Variants in OGFR observed in about 807,000 individuals in gnomAD.
OGFR encodes the protein opioid growth factor receptor, also known as protein 7-60.
OGFR carries 18 observed loss-of-function variants against 33.6 expected under a neutral mutation model. That is an observed-to-expected ratio of 0.54 (90% CI 0.37 to 0.80). The LOEUF (loss-of-function observed/expected upper bound fraction) is 0.80. OGFR is among the 30% of genes least tolerant of loss of function. The probability of loss-of-function intolerance (pLI) is 0.00; values close to 1 mark genes in which losing one functional copy is unlikely to be tolerated. For missense variants in OGFR, 877 were observed against 955.8 expected (o/e 0.92, Z 1.09); for synonymous variants, 370 against 400.7 (o/e 0.92, Z 0.91).
In OGFR at chr20:62,812,304, C is replaced by T. The variant is rs1186464820; in HGVS notation, c.689C>T (p.Ala230Val). ...LGELGLEHFQAPLVRFFLEET... is the reference protein window; with the variant it reads ...LGELGLEHFQVPLVRFFLEET... ...GAGCTGGGCCTCGAGCACTTCCAGG[C>T]GCCGCTGGTCCGCTTCTTCCTGGAG... is the stretch of plus-strand genomic sequence containing the variant. The change falls in exon 7 of 7, where the codon GCG (alanine) becomes GTG (valine). Residue 230 changes from alanine to valine, a missense_variant. Transcript: ENST00000290291. 2.6e-5 allele frequency: 41 copies of T among 1,549,826 alleles called. No individual in the cohort carries two copies. Among genetic ancestry groups the T allele is most frequent in the Non-Finnish European group, 3.4e-5 (39 of 1,147,472 alleles).
Position 62,813,607 on chromosome 20 carries a change from G to A in OGFR, c.1992G>A (p.Gln664=), listed in dbSNP as rs770779950. Residue 664 remains glutamine (Q), a synonymous_variant, in exon 7 of 7, where the codon CAG becomes CAA. Transcript: ENST00000290291. ...AGGCGGGGGAGGCAGCAGAGTTGCAGGACGCAGAGGTGGAGTCTTCTGCCA... is the reference window on the plus strand; with the variant it reads ...AGGCGGGGGAGGCAGCAGAGTTGCAAGACGCAGAGGTGGAGTCTTCTGCCA... ...PAKAGEAAEL[Q]DAEVESSAKS... 1.1e-5 allele frequency: 18 copies of A among 1,612,744 alleles called. 1 individual carries two copies. In the South Asian group the frequency reaches 1.9e-4, roughly 17 times the overall value.
chr20:62,812,865 G>A lies in OGFR; in HGVS notation c.1250G>A (p.Cys417Tyr), dbSNP rs1990767576. ...AAGATCGCTCTGAATTTGGAGGGGT[G>A]TGCCCTCAGCCAGGGCAGCCTCAGG... ...VEKIALNLEG[C>Y]ALSQGSLRTG... is the part of the protein sequence containing the mutation. Residue 417 changes from cysteine (C) to tyrosine (Y), a missense_variant, in exon 7 of 7, where the codon TGT becomes TAT. Coordinates refer to ENST00000290291, the MANE Select transcript of OGFR (RefSeq NM_007346.4). The A allele has an allele frequency of 1.2e-6, 2 of 1,612,548 alleles. No homozygotes were observed. The highest frequency in any genetic ancestry group is 2.7e-5 in the African/African-American group (2 of 74,942).
At position 62,808,325 on chromosome 20, in the gene OGFR, G is replaced by A. The variant is rs778700864; in HGVS notation, c.319G>A (p.Gly107Ser). ...YRNEIRFLPN[G>S]CFIEDILQNW... ...AAATGAGATCCGCTTCCTGCCCAAC[G>A]GTAGGTGCCTCACAACCACTGGCAG... Residue 107 changes from glycine (G) to serine (S), a missense_variant and splice_region_variant, in exon 3 of 7, where the codon GGC (glycine) becomes AGC (serine). Transcript: ENST00000290291. The A allele has an allele frequency of 5.0e-6, 8 of 1,611,704 alleles. No homozygotes were observed. Among genetic ancestry groups the A allele is most frequent in the Non-Finnish European group, 6.8e-6 (8 of 1,178,520 alleles).
At chr20:62,808,166 C>G (rs760788733) in intron 2 of OGFR, 81 bp from the exon 3 acceptor site, 1 of 1,080,482 alleles carries the variant, frequency 9.3e-7, no homozygotes. Flanking sequence ...TTTGCAGATG[C>G]GCCTCCCCGA....
chr20:62,813,088 C>T lies in OGFR; in HGVS notation c.1473C>T (p.Pro491=). The change falls in exon 7 of 7, where the codon CCC becomes CCT. Residue 491 remains proline, a synonymous_variant. Coordinates refer to ENST00000290291, the MANE Select transcript of OGFR (RefSeq NM_007346.4). ...GGTCCCCTGCCCCATCGGGGCACCCCAAGGCTGGACACAGTGAGAACGGGG... is the reference window on the plus strand; with the variant it reads ...GGTCCCCTGCCCCATCGGGGCACCCTAAGGCTGGACACAGTGAGAACGGGG... ...LAGSPAPSGH[P]KAGHSENGVE... The T allele has an allele frequency of 6.3e-7, 1 of 1,578,818 alleles. No individual in the cohort carries two copies. The highest frequency in any genetic ancestry group is 8.6e-7 in the Non-Finnish European group (1 of 1,162,280).
intron 4 of OGFR, 85 bp from the exon 5 acceptor site, chr20:62,810,414 C>G (rs1171426084): frequency 1.5e-6 from 2 of 1,359,398 alleles, no homozygotes; most frequent in Non-Finnish European, 2.1e-6. Context: ...GGGATTGGAA[C>G]TGCCCCGGGC....
Position 62,807,570 on chromosome 20 carries a change from A to C in OGFR, c.205A>C (p.Thr69Pro), listed in dbSNP as rs370965165. 1 of 1,613,064 alleles carries C rather than the reference A, an allele frequency of 6.2e-7. No individual in the cohort carries two copies. Among genetic ancestry groups the C allele is most frequent in the African/African-American group, 1.3e-5 (1 of 74,948 alleles). The part of the protein sequence containing the change: ...RMTGSRNWRA[T>P]RDMCRYRHNY... ...GACAGGGTCCAGAAACTGGCGAGCC[A>C]CGAGGGACATGTGTAGGTATCGGCA... Residue 69 changes from threonine to proline, a missense_variant, in exon 2 of 7, where the codon ACG becomes CCG. By Grantham distance (38) the Thr-to-Pro change is conservative (BLOSUM62 -1). Transcript: ENST00000290291.
rs1568735671 is a variant in OGFR, at chr20:62,805,014, G to C, written c.155G>C (p.Arg52Pro). Residue 52 changes from arginine to proline, a missense_variant, in exon 1 of 7, where the codon CGG becomes CCG. This residue lies in a region of OGFR where 760 missense variants were observed against 736.0 expected (regional missense o/e 1.03). Coordinates refer to ENST00000290291, the MANE Select transcript of OGFR (RefSeq NM_007346.4). ...GAGTCGGAGGAGCCGCGGGCGGCGCGGCCCAGCTCGTTCCAGGTGCGGCCC... is the reference window on the plus strand; with the variant it reads ...GAGTCGGAGGAGCCGCGGGCGGCGCCGCCCAGCTCGTTCCAGGTGCGGCCC... ...DEESEEPRAA[R>P]PSSFQSRMTG... 7.0e-7 allele frequency: 1 copy of C among 1,428,242 alleles called. No individual in the cohort carries two copies. The highest frequency in any genetic ancestry group is 9.1e-7 in the Non-Finnish European group (1 of 1,095,116). 88.5% of individuals were successfully genotyped at this position (1,428,242 alleles called of 1,614,324 possible). A position where few individuals can be genotyped will look rare whatever the true frequency, so the allele number is the denominator to read the frequency against.
At chr20:62,805,071 G>A in intron 1 of OGFR, 41 bp downstream of exon 1, 1 of 1,278,490 alleles carries the variant, frequency 7.8e-7, no homozygotes, top group Non-Finnish European at 9.8e-7. Context: ...GGTCCCCGGC[G>A]CCCCCCGCCC....
At chr20:62,811,704 G>T in intron 6 of OGFR, 94 bp downstream of exon 6, 1 of 1,371,156 alleles carries the variant, frequency 7.3e-7, no homozygotes, top group Non-Finnish European at 9.8e-7. Context: ...TGCAGACGGA[G>T]AACTCCAGGG....
At chr20:62,805,081 C>A in intron 1 of OGFR, 51 bp downstream of exon 1, 3 of 1,272,092 alleles carry the variant, frequency 2.4e-6, no homozygotes, top group South Asian at 5.2e-5. Context: ...GCCCCCCGCC[C>A]GGCTGCGTGG....
chr20:62,810,430 A>C, intron 4 of OGFR, 69 bp from the exon 5 acceptor site: 1 of 1,500,490 alleles, frequency 6.7e-7, no homozygotes, highest in Non-Finnish European at 9.3e-7. Flanking sequence ...CGGGCTACAC[A>C]GCGAGCACCT....
chr20:62,808,276 C>T lies in OGFR; in HGVS notation c.270C>T (p.Asp90=), dbSNP rs369096358. The change falls in exon 3 of 7, where the codon GAC becomes GAT. Residue 90 remains aspartate (D), a synonymous_variant. Coordinates refer to ENST00000290291, the MANE Select transcript of OGFR (RefSeq NM_007346.4). ...TGGTGGAACGAGACTGCAATGGGGA[C>T]ACGCCAAACCTGAGTTTCTACAGAA... ...PDLVERDCNG[D]TPNLSFYRNE... is the part of the protein sequence containing the mutation. 4.1e-5 allele frequency: 66 copies of T among 1,613,324 alleles called. No individual in the cohort carries two copies. Among genetic ancestry groups the T allele is most frequent in the Non-Finnish European group, 5.1e-5 (60 of 1,179,892 alleles).
chr20:62,807,323 A>G, intron 1 of OGFR: 1 of 595,262 alleles, frequency 1.7e-6, no homozygotes, highest in East Asian at 2.8e-5. Context: ...GGTTCTGTGC[A>G]GGGTATTGGG....
chr20:62,804,886 C>T lies in OGFR; in HGVS notation c.27C>T (p.Thr9=). 2 of 1,494,158 alleles carry T rather than the reference C, an allele frequency of 1.3e-6. No homozygotes were observed. Among genetic ancestry groups the T allele is most frequent in the Non-Finnish European group, 1.8e-6 (2 of 1,122,194 alleles). The allele number at this position is 1,494,158 out of a possible 1,614,324, so 92.6% of individuals were successfully genotyped here. Residue 9 remains threonine (T), a synonymous_variant, in exon 1 of 7, where the codon ACC becomes ACT. Transcript: ENST00000290291. MDDPDCDS[T]WEEDEEDAED... is the part of the protein sequence containing the mutation. ...TGGACGACCCCGACTGCGACTCCAC[C>T]TGGGAGGAGGACGAGGAGGATGCGG...
Position 62,812,731 on chromosome 20 carries a change from T to C in OGFR, c.1116T>C (p.Asp372=). 1 of 1,601,412 alleles carries C rather than the reference T, an allele frequency of 6.2e-7. No homozygotes were observed. Among genetic ancestry groups the C allele is most frequent in the Non-Finnish European group, 8.5e-7 (1 of 1,174,582 alleles). The change falls in exon 7 of 7, where the codon GAT becomes GAC. Residue 372 remains aspartate (D), a synonymous_variant. Transcript: ENST00000290291. The part of the protein sequence containing the change: ...QGDEAGGHGE[D]RPEPLSPKES... ...ATGAGGCAGGGGGCCACGGGGAAGA[T>C]AGGCCGGAGCCCTTAAGCCCCAAAG...
rs1490346855 is a variant in OGFR at position 62,804,994 on chromosome 20, G to T, written c.135G>T (p.Ser45=). 5 of 1,472,388 alleles carry T rather than the reference G, an allele frequency of 3.4e-6. No individual in the cohort carries two copies. In the East Asian group the frequency reaches 1.2e-4, roughly 36 times the overall value. The allele number at this position is 1,472,388 out of a possible 1,614,324, so 91.2% of individuals were successfully genotyped here. ...ACGCAGGGGACGAGGACGAGGAGTC[G>T]GAGGAGCCGCGGGCGGCGCGGCCCA... ...DADAGDEDEE[S]EEPRAARPSS... is the part of the protein sequence containing the mutation. The change falls in exon 1 of 7, where the codon TCG becomes TCT. Residue 45 remains serine, a synonymous_variant. Coordinates refer to ENST00000290291, the MANE Select transcript of OGFR (RefSeq NM_007346.4).
chr20:62,808,577 C>T (rs931408100), intron 3 of OGFR, among the ~76,000 whole-genome samples: 11 of 152,220 alleles, frequency 7.2e-5, no homozygotes, highest in Non-Finnish European at 1.6e-4. Flanking sequence ...TTTCAGGCCA[C>T]ACAGTCTCTA....
intron 5 of OGFR, 131 bp from the exon 6 acceptor site, chr20:62,811,331 C>T (rs1016225339): frequency 2.1e-5 from 22 of 1,043,316 alleles, no homozygotes; most frequent in Middle Eastern, 3.0e-4. Context: ...GACTCTGTCT[C>T]TAAATAAATG....
Sources: gnomAD v4.1 joint callset for allele counts (sites outside exome capture counted in the v4.1 genomes callset) on GRCh38, gnomAD v4.1.1 for gene constraint, gnomAD v4.1.1 regional missense constraint, MANE v1.5 for transcripts, NCBI Gene and HGNC (gene_info 2026-07-23, HGNC 2026-07-21) for gene names.